The following SLC13A2 variants were observed in gnomAD, a reference collection of about 807,000 sequenced individuals.
SLC13A2 encodes solute carrier family 13 member 2, also known as Na(+)-coupled citrate transporter.
Under a neutral mutation model 58.5 loss-of-function variants are expected in SLC13A2, and 40 were observed. The observed-to-expected ratio is 0.68, with a 90% CI of 0.53 to 0.89. The LOEUF is 0.89. Among genes scored for constraint, SLC13A2 ranks in the 40% least tolerant of loss-of-function variants. The probability of loss-of-function intolerance (pLI) is 0.00; values close to 1 mark genes in which losing one functional copy is unlikely to be tolerated. For synonymous variants in SLC13A2, 341 were observed against 331.6 expected, an observed-to-expected ratio of 1.03 and a Z score of -0.31; for missense variants, 694 against 772.6, an observed-to-expected ratio of 0.90 and a Z score of 1.21.
At chr17:28,490,249 G>A (rs782639352) in intron 2 of SLC13A2, 155 of 1,468,290 alleles carry the variant, frequency 1.1e-4, no homozygotes, top group Non-Finnish European at 1.4e-4. Context: ...ATTCCAGCCT[G>A]GGCAACAGAG....
chr17:28,489,465 GACTCTGC>G lies in SLC13A2; in HGVS notation c.231+125_231+131del, dbSNP rs2068958442. 11 of 1,167,526 alleles carry G rather than the reference GACTCTGC, an allele frequency of 9.4e-6. No homozygotes were observed. The Admixed American group carries it at 1.5e-4, about 16-fold the overall frequency. The allele number at this position is 1,167,526 out of a possible 1,614,324, so 72.3% of individuals were successfully genotyped here. A position where few individuals can be genotyped will look rare whatever the true frequency, so the allele number is the denominator to read the frequency against. On this transcript the variant is annotated intron_variant, in intron 2 of 11. Coordinates refer to ENST00000314669, the MANE Select transcript of SLC13A2 (RefSeq NM_003984.4). Reference sequence around the variant, plus strand: ...CAGGGCACATGGATTAGGGGTTCCTGACTCTGCATGAGGAAGAAGTCAGCTAGAAGGC... The same window carrying G: ...CAGGGCACATGGATTAGGGGTTCCTGATGAGGAAGAAGTCAGCTAGAAGGC...
intron 1 of SLC13A2, among the ~76,000 whole-genome samples, chr17:28,484,930 G>A (rs1457405695): frequency 6.6e-6 from 1 of 152,140 alleles, no homozygotes; most frequent in East Asian, 1.9e-4. Flanking sequence ...ATCTGAACAG[G>A]GTGACTTCCT....
chr17:28,477,237 A>T lies in SLC13A2; in HGVS notation c.102+3423A>T, dbSNP rs1178160803. 2.4e-4 allele frequency among the ~76,000 whole-genome samples: 30 copies of T among 124,542 alleles called. No individual in the cohort carries two copies. The Admixed American group carries it at 2.8e-3, about 12-fold the overall frequency. The allele number at this position is 124,542 out of a possible 152,430, so 81.7% of individuals were successfully genotyped here. On this transcript the variant is annotated intron_variant, in intron 1 of 11. Coordinates refer to ENST00000314669, the MANE Select transcript of SLC13A2 (RefSeq NM_003984.4). ...GAGACTGAGTCTCACTCTGTCACCC[A>T]GGCTGGAGTGCAGTGGCACAATCTT...
intron 1 of SLC13A2, among the ~76,000 whole-genome samples, chr17:28,483,411 T>A (rs1567848681): frequency 6.6e-6 from 1 of 151,942 alleles, no homozygotes; most frequent in Non-Finnish European, 1.5e-5. Context: ...GAGGATTGCT[T>A]GAGCCCAGGA....
chr17:28,496,831 G>T lies in SLC13A2; in HGVS notation c.1608+244G>T, dbSNP rs2069153198. On this transcript the variant is annotated intron_variant, in intron 11 of 11. Coordinates refer to ENST00000314669, the MANE Select transcript of SLC13A2 (RefSeq NM_003984.4). The surrounding 1 kb of genome is among the most constrained non-coding windows in gnomAD (Gnocchi z 4.2). ...TGGGGAACATGGGGAAGGCTCCAAG[G>T]TGCCAGGCACCCACACTCAGGGAGA... is the stretch of plus-strand genomic sequence containing the variant. Among the ~76,000 whole-genome samples the T allele has an allele frequency of 6.6e-6, 1 of 152,204 alleles. No individual in the cohort carries two copies. Among genetic ancestry groups the T allele is most frequent in the Non-Finnish European group, 1.5e-5 (1 of 68,032 alleles).
At chr17:28,476,300 G>A (rs921157075) in intron 1 of SLC13A2, among the ~76,000 whole-genome samples, 25 of 152,144 alleles carry the variant, frequency 1.6e-4, no homozygotes, top group Non-Finnish European at 3.5e-4. Context: ...CAGGCGCAGT[G>A]GCTCACACCT....
rs1288380329 is a variant in SLC13A2 at position 28,496,952 on chromosome 17, T to G, written c.1609-147T>G. On this transcript the variant is annotated intron_variant, in intron 11 of 11. Coordinates refer to ENST00000314669, the MANE Select transcript of SLC13A2 (RefSeq NM_003984.4). This position sits in a 1 kb window ranked among gnomAD's most constrained non-coding sequence, Gnocchi z 4.2. ...GGAGTAAAGCAAGGGGCAAAGGCATTGGCTATGCTGCAGGTTAGACCAACG... is the reference window on the plus strand; with the variant it reads ...GGAGTAAAGCAAGGGGCAAAGGCATGGGCTATGCTGCAGGTTAGACCAACG... 3.9e-6 allele frequency: 3 copies of G among 777,280 alleles called. No individual in the cohort carries two copies. Among genetic ancestry groups the G allele is most frequent in the Admixed American group, 5.2e-5 (2 of 38,174 alleles). The allele number at this position is 777,280 out of a possible 1,614,324, so 48.1% of individuals were successfully genotyped here.
intron 9 of SLC13A2, among the ~76,000 whole-genome samples, chr17:28,495,325 G>A (rs538232166): frequency 2.0e-5 from 3 of 152,276 alleles, no homozygotes; most frequent in South Asian, 4.1e-4. Flanking sequence ...GAGGGCTAAG[G>A]TTGTCCAGGG....
intron 1 of SLC13A2, among the ~76,000 whole-genome samples, chr17:28,476,437 A>G (rs1044095290): frequency 4.6e-5 from 7 of 151,908 alleles, no homozygotes; most frequent in Non-Finnish European, 1.0e-4. Flanking sequence ...AAAACCCTAC[A>G]CTGGCTTCCT....
intron 1 of SLC13A2, among the ~76,000 whole-genome samples, chr17:28,486,337 T>A (rs962959754): frequency 5.9e-5 from 9 of 152,222 alleles, no homozygotes; most frequent in Admixed American, 5.2e-4. Context: ...ACTATGATTT[T>A]ATGTTCATAA....
At chr17:28,493,862 G>A (rs560792008) in intron 7 of SLC13A2, 73 bp downstream of exon 7, 28 of 1,546,164 alleles carry the variant, frequency 1.8e-5, no homozygotes, top group Non-Finnish European at 2.5e-5. Context: ...AGGGTATAGG[G>A]CCCCCATTGC....
intron 1 of SLC13A2, among the ~76,000 whole-genome samples, chr17:28,478,688 A>G (rs2068733198): frequency 6.6e-6 from 1 of 152,184 alleles, no homozygotes; most frequent in African/African-American, 2.4e-5. Context: ...GTCCCAGCAG[A>G]TGGGGAACAG....
At chr17:28,476,431 C>A (rs2068672304) in intron 1 of SLC13A2, among the ~76,000 whole-genome samples, 1 of 151,928 alleles carries the variant, frequency 6.6e-6, no homozygotes, top group South Asian at 2.1e-4. Context: ...AACAAAAAAA[C>A]CCTACACTGG....
In SLC13A2 at chr17:28,476,955, GAGACCAGCC is replaced by G. The variant is rs371543261; in HGVS notation, c.102+3142_102+3150del. Among the ~76,000 whole-genome samples the G allele has an allele frequency of 2.9e-3, 436 of 151,894 alleles. 1 individual carries two copies. Among genetic ancestry groups the G allele is most frequent in the African/African-American group, 9.9e-3 (410 of 41,442 alleles). On this transcript the variant is annotated intron_variant, in intron 1 of 11. Transcript: ENST00000314669. ...GTGGATCACTTGAGGTCAGGAGTTT[GAGACCAGCC>G]TGGCCAACATGATGAAACCCCGTCT... is the stretch of plus-strand genomic sequence containing the variant.
chr17:28,489,184 A>T, intron 1 of SLC13A2, 30 bp from the exon 2 acceptor site: 2 of 1,609,574 alleles, frequency 1.2e-6, no homozygotes, highest in Non-Finnish European at 1.7e-6. Context: ...AGGCCCTCTG[A>T]CAGCTCTGCC....
chr17:28,489,390 A>G, intron 2 of SLC13A2, 48 bp downstream of exon 2: 6 of 1,565,338 alleles, frequency 3.8e-6, no homozygotes, highest in Non-Finnish European at 5.2e-6. Context: ...GCGGGAGGCC[A>G]GGGGGTGGGT....
chr17:28,482,958 C>G (rs1420681277), intron 1 of SLC13A2, among the ~76,000 whole-genome samples: 1 of 152,212 alleles, frequency 6.6e-6, no homozygotes, highest in African/African-American at 2.4e-5. Flanking sequence ...TCCTGAGACC[C>G]GGGAGTGCTC....
rs1209988864 is a variant in SLC13A2, at chr17:28,497,047, G to A, written c.1609-52G>A. The A allele has an allele frequency of 2.5e-6, 4 of 1,580,864 alleles. No homozygotes were observed. The African/African-American group carries it at 5.4e-5, about 21-fold the overall frequency. On this transcript the variant is annotated intron_variant, in intron 11 of 11. Transcript: ENST00000314669. ...GCACCCCCAAACACCTGGGGACTTG[G>A]GGGCAGTCCAGCCCAGTCCCTGCTT...
chr17:28,495,086 C>T (rs538544283), intron 9 of SLC13A2, among the ~76,000 whole-genome samples: 93 of 152,158 alleles, frequency 6.1e-4, no homozygotes, highest in Non-Finnish European at 9.7e-4. Context: ...CTGACTGTGC[C>T]CAGTCCTGTG....
Sources: gnomAD v4.1 joint callset for allele counts (sites outside exome capture counted in the v4.1 genomes callset) on GRCh38, gnomAD v4.1.1 for gene constraint, Gnocchi (gnomAD v3.1) non-coding constraint, MANE v1.5 for transcripts, NCBI Gene and HGNC (gene_info 2026-07-23, HGNC 2026-07-21) for gene names.